PCSK5: variants seen among roughly 807,000 people sequenced by gnomAD.
PCSK5 encodes proprotein convertase subtilisin/kexin type 5, also known as prohormone convertase 5.
A neutral mutation model predicts 233.2 loss-of-function variants in PCSK5; 129 were observed. The observed-to-expected ratio is 0.55, with a 90% CI of 0.48 to 0.64. The LOEUF (loss-of-function observed/expected upper bound fraction) is 0.64. Among genes scored for constraint, PCSK5 ranks in the 30% least tolerant of loss-of-function variants. The pLI is 0.00. For missense variants in PCSK5, 2,076 were observed against 2,430.1 expected (o/e 0.85, Z 3.06); for synonymous variants, 825 against 879.2 (o/e 0.94, Z 1.09).
In PCSK5 at chr9:76,175,257, G is replaced by GAATCA; in HGVS notation, c.1900+131_1900+132insCAAAT. 4 of 662,390 alleles carry GAATCA rather than the reference G, an allele frequency of 6.0e-6. No homozygotes were observed. The East Asian group carries it at 1.1e-4, about 18-fold the overall frequency. 41.0% of individuals were successfully genotyped at this position (662,390 alleles called of 1,614,324 possible). A position where few individuals can be genotyped will look rare whatever the true frequency, so the allele number is the denominator to read the frequency against. On this transcript the variant is annotated intron_variant, in intron 14 of 37. Transcript: ENST00000674117. Reference sequence around the variant, plus strand: ...GAATGAAATGGAATGGAATGGAATGGAATGGAATGGAATGGAATCGAATCG... The same window carrying GAATCA: ...GAATGAAATGGAATGGAATGGAATGGAATCAAATGGAATGGAATGGAATCGAATCG...
intron 20 of PCSK5, among the ~76,000 whole-genome samples, chr9:76,222,369 C>A (rs1445356638): frequency 1.3e-5 from 2 of 151,914 alleles, no homozygotes; most frequent in Admixed American, 6.6e-5. Context: ...ATATATTTAC[C>A]ATTTTAACTA....
intron 2 of PCSK5, among the ~76,000 whole-genome samples, chr9:75,950,469 C>T (rs1327611950): frequency 6.6e-6 from 1 of 152,012 alleles, no homozygotes; most frequent in Non-Finnish European, 1.5e-5. Flanking sequence ...ACGAAAACAC[C>T]ATCAGACTAA....
At chr9:76,077,231 C>T (rs370154752) in intron 7 of PCSK5, among the ~76,000 whole-genome samples, 6 of 152,116 alleles carry the variant, frequency 3.9e-5, no homozygotes, top group African/African-American at 1.4e-4. Context: ...TCATCTTCCA[C>T]CTAAGGCCAC....
At position 75,929,784 on chromosome 9, in the gene PCSK5, G is replaced by A. The variant is rs556732516; in HGVS notation, c.193-2595G>A. On this transcript the variant is annotated intron_variant, in intron 1 of 37. Transcript: ENST00000674117. Reference sequence around the variant, plus strand: ...AATCATGGAGGAGGGTGAAAGGCACGTCTCACATGACAGCAGACAAGAGAA... The same window carrying A: ...AATCATGGAGGAGGGTGAAAGGCACATCTCACATGACAGCAGACAAGAGAA... 2.0e-3 allele frequency among the ~76,000 whole-genome samples: 307 copies of A among 152,162 alleles called. 2 individuals are homozygous for A. The highest frequency in any genetic ancestry group is 6.9e-3 in the African/African-American group (287 of 41,500).
intron 2 of PCSK5, among the ~76,000 whole-genome samples, chr9:75,961,952 C>T (rs150753724): frequency 1.5e-3 from 221 of 152,290 alleles, no homozygotes; most frequent in Middle Eastern, 3.4e-3. Context: ...GCTGTATCCC[C>T]GGCGCTGTGC....
Position 76,188,683 on chromosome 9 carries a change from C to A in PCSK5, c.2380+8C>A. The stretch of plus-strand genomic sequence containing the variant: ...TCTGCGCCACTTGTGCTGGTACCTT[C>A]CCTAGTTCTTTTGTTTATTCTCCCG... On this transcript the variant is annotated splice_region_variant and intron_variant, in intron 18 of 37. Transcript: ENST00000674117. The A allele has an allele frequency of 1.2e-6, 2 of 1,606,034 alleles. No homozygotes were observed. The highest frequency in any genetic ancestry group is 1.7e-6 in the Non-Finnish European group (2 of 1,172,970).
chr9:76,227,285 C>T (rs1825924871), intron 20 of PCSK5, among the ~76,000 whole-genome samples: 2 of 152,138 alleles, frequency 1.3e-5, no homozygotes, highest in South Asian at 4.1e-4. Context: ...TGCCTCATAA[C>T]TTTTTGAGGT....
At chr9:76,315,907 C>T (rs1368377161) in intron 30 of PCSK5, among the ~76,000 whole-genome samples, 1 of 142,310 alleles carries the variant, frequency 7.0e-6, no homozygotes, top group East Asian at 2.1e-4. Context: ...GCTAGGATTA[C>T]AGGCATGAGC....
chr9:76,107,712 C>T (rs1299199094), intron 9 of PCSK5, among the ~76,000 whole-genome samples: 2 of 152,158 alleles, frequency 1.3e-5, no homozygotes, highest in Admixed American at 1.3e-4. Flanking sequence ...GTCTGTTTCT[C>T]TGAAGCATGA....
At chr9:76,328,575 A>G (rs1453461599) in intron 33 of PCSK5, among the ~76,000 whole-genome samples, 1 of 152,030 alleles carries the variant, frequency 6.6e-6, no homozygotes, top group Non-Finnish European at 1.5e-5. Context: ...TTCCCAATAC[A>G]TATTTTTCGA....
At chr9:76,159,524 T>C (rs1003456956) in intron 12 of PCSK5, among the ~76,000 whole-genome samples, 2 of 152,228 alleles carry the variant, frequency 1.3e-5, no homozygotes, top group African/African-American at 2.4e-5. Flanking sequence ...AACCGAATTC[T>C]CTTGCCCAAG....
intron 2 of PCSK5, among the ~76,000 whole-genome samples, chr9:75,981,390 A>C (rs1355358451): frequency 6.6e-6 from 1 of 152,208 alleles, no homozygotes; most frequent in African/African-American, 2.4e-5. Context: ...CTAATCTAAG[A>C]TAATAACCAA....
chr9:76,288,750 C>T (rs1828165558), intron 24 of PCSK5, among the ~76,000 whole-genome samples: 1 of 152,210 alleles, frequency 6.6e-6, no homozygotes, highest in Non-Finnish European at 1.5e-5. Flanking sequence ...TGGTTATGCT[C>T]ACCCTCCACT....
chr9:75,925,544 T>G (rs543693060), intron 1 of PCSK5, among the ~76,000 whole-genome samples: 2 of 152,152 alleles, frequency 1.3e-5, no homozygotes, highest in East Asian at 3.9e-4. Flanking sequence ...GTAAGTGTTA[T>G]GGAGAAAAAT....
At chr9:75,945,669 G>A (rs1395650342) in intron 2 of PCSK5, among the ~76,000 whole-genome samples, 1 of 151,876 alleles carries the variant, frequency 6.6e-6, no homozygotes, top group Non-Finnish European at 1.5e-5. Flanking sequence ...ATCTTCAAGG[G>A]CCATTATGAT....
intron 9 of PCSK5, among the ~76,000 whole-genome samples, chr9:76,113,951 A>G (rs1036484507): frequency 6.6e-5 from 10 of 152,106 alleles, no homozygotes; most frequent in African/African-American, 1.4e-4. Flanking sequence ...ATTTATTTCA[A>G]TTAGAACTTA....
chr9:76,018,469 A>G (rs957207331), intron 3 of PCSK5, among the ~76,000 whole-genome samples: 1 of 152,178 alleles, frequency 6.6e-6, no homozygotes, highest in Middle Eastern at 3.2e-3. Flanking sequence ...AGATTCTCAG[A>G]GGAGCACCAA....
At chr9:76,296,257 G>A (rs62565667) in intron 26 of PCSK5, among the ~76,000 whole-genome samples, 1 of 152,156 alleles carries the variant, frequency 6.6e-6, no homozygotes, top group South Asian at 2.1e-4. Context: ...GAGCCACCTC[G>A]CCCGACCTGG....
At chr9:76,108,526 G>A (rs1026716750) in intron 9 of PCSK5, among the ~76,000 whole-genome samples, 3 of 152,162 alleles carry the variant, frequency 2.0e-5, no homozygotes, top group Non-Finnish European at 4.4e-5. Context: ...AGGCCAAGGC[G>A]GGTGGATCAC....
Sources: gnomAD v4.1 joint callset for allele counts (sites outside exome capture counted in the v4.1 genomes callset) on GRCh38, gnomAD v4.1.1 for gene constraint, MANE v1.5 for transcripts, NCBI Gene and HGNC (gene_info 2026-07-23, HGNC 2026-07-21) for gene names.